The following MAST2 variants were observed in gnomAD, a reference collection of about 807,000 sequenced individuals.
MAST2 encodes microtubule associated serine/threonine kinase 2.
A neutral mutation model predicts 147.4 loss-of-function variants in MAST2; 70 were observed. That is an observed-to-expected ratio of 0.47 (90% CI 0.39 to 0.58). MAST2 has a LOEUF of 0.58. Ranked by LOEUF, MAST2 falls within the 20% of genes least tolerant of loss-of-function variation. MAST2 has a pLI of 0.00. For synonymous variants in MAST2, 869 were observed against 896.8 expected (o/e 0.97, Z 0.55); for missense variants, 2,080 against 2,302.3 (o/e 0.90, Z 1.98).
intron 4 of MAST2, among the ~76,000 whole-genome samples, chr1:45,931,664 G>GT (rs200292494): frequency 1.0e-3 from 156 of 150,358 alleles, no homozygotes; most frequent in East Asian, 6.8e-3. Flanking sequence ...TAATTTTTGT[G>GT]TTTTTTTTTA....
chr1:45,949,692 A>C (rs1658645050), intron 4 of MAST2, among the ~76,000 whole-genome samples: 1 of 152,234 alleles, frequency 6.6e-6, no homozygotes, highest in African/African-American at 2.4e-5. Context: ...CAGAAGTACC[A>C]TTTGACCCAG....
chr1:45,920,352 C>T (rs931279289), intron 4 of MAST2, among the ~76,000 whole-genome samples: 1 of 152,226 alleles, frequency 6.6e-6, no homozygotes, highest in Admixed American at 6.5e-5. Flanking sequence ...GTTCTCAACT[C>T]TGTCTTCTCA....
intron 10 of MAST2, among the ~76,000 whole-genome samples, chr1:46,012,732 T>C (rs933442202): frequency 2.6e-5 from 4 of 151,966 alleles, no homozygotes; most frequent in Admixed American, 1.3e-4. Context: ...CAGTGGCTCA[T>C]GCCTGTAATC....
At chr1:45,853,605 C>CG (rs1645693184) in intron 3 of MAST2, among the ~76,000 whole-genome samples, 2 of 151,612 alleles carry the variant, frequency 1.3e-5, no homozygotes, top group African/African-American at 4.8e-5. Flanking sequence ...CCACCCACCC[C>CG]GGCCTCCCAA....
intron 4 of MAST2, chr1:45,913,522 C>A: frequency 1.1e-6 from 1 of 923,660 alleles, no homozygotes; most frequent in Non-Finnish European, 1.3e-6. Context: ...GAACAAGGTG[C>A]TTTCTGTAGC....
At chr1:45,992,258 G>T (rs1448786999) in intron 5 of MAST2, among the ~76,000 whole-genome samples, 1 of 152,134 alleles carries the variant, frequency 6.6e-6, no homozygotes, top group East Asian at 1.9e-4. Context: ...TTTTAAATGG[G>T]TTTTAGATTT....
chr1:45,812,071 A>C (rs1223107598), intron 1 of MAST2, among the ~76,000 whole-genome samples: 1 of 152,168 alleles, frequency 6.6e-6, no homozygotes, highest in East Asian at 1.9e-4. Context: ...CGCGCGGCAC[A>C]GGAGCAGTAT....
chr1:45,966,422 TAAA>T (rs969914547), intron 5 of MAST2, among the ~76,000 whole-genome samples: 12 of 123,038 alleles, frequency 9.8e-5, no homozygotes, highest in Non-Finnish European at 1.0e-4. Context: ...TTTGATTTTG[TAAA>T]AAAAAAAAAA....
In MAST2 at chr1:45,982,349, C is replaced by T. The variant is rs2149065633; in HGVS notation, c.593-15375C>T. ...GTCTTGTTATACCAGTGAGGTGACT[C>T]GTAGTGGGCCCCTGGATAGTTTCAG... On this transcript the variant is annotated intron_variant, in intron 5 of 28. Coordinates refer to ENST00000361297, the MANE Select transcript of MAST2 (RefSeq NM_015112.3). 1.3e-5 allele frequency among the ~76,000 whole-genome samples: 2 copies of T among 152,250 alleles called. 1 individual carries two copies. Among genetic ancestry groups the T allele is most frequent in the South Asian group, 4.1e-4 (2 of 4,820 alleles).
chr1:45,956,894 A>G (rs112533254), intron 4 of MAST2, among the ~76,000 whole-genome samples: 1 of 152,218 alleles, frequency 6.6e-6, no homozygotes, highest in South Asian at 2.1e-4. Context: ...ATCTAGTGCT[A>G]TTGAAATAAA....
chr1:45,940,620 G>A (rs1171367183), intron 4 of MAST2, among the ~76,000 whole-genome samples: 1 of 137,174 alleles, frequency 7.3e-6, no homozygotes, highest in Admixed American at 7.1e-5. Flanking sequence ...GAAGGTTGAG[G>A]ATTTTTTTTT....
intron 4 of MAST2, among the ~76,000 whole-genome samples, chr1:45,958,351 GT>G (rs1218200948): frequency 6.6e-6 from 1 of 151,806 alleles, no homozygotes; most frequent in Admixed American, 6.6e-5. Context: ...TCCCAAATTT[GT>G]TCTTGTCTCA....
chr1:45,987,777 A>ATTTTTTTT, intron 5 of MAST2, among the ~76,000 whole-genome samples: 60 of 21,804 alleles, frequency 2.8e-3, no homozygotes, highest in African/African-American at 4.2e-3. Flanking sequence ...TTTTTTTTTG[A>ATTTTTTTT]TTTTTTTTTT....
rs78605595 is a variant in MAST2, at chr1:45,967,616, T to C, written c.592+8139T>C. Among the ~76,000 whole-genome samples the C allele has an allele frequency of 3.0e-3, 450 of 152,260 alleles. 3 individuals carry two copies. The highest frequency in any genetic ancestry group is 0.021 in the East Asian group (108 of 5,180). On this transcript the variant is annotated intron_variant, in intron 5 of 28. Coordinates refer to ENST00000361297, the MANE Select transcript of MAST2 (RefSeq NM_015112.3). ...AGGTCTTCGCCTCATCATCTTCACA[T>C]TGAGTAGGCTGAGGAAGATTAAGGA...
chr1:45,844,903 C>G (rs901148576), intron 3 of MAST2, among the ~76,000 whole-genome samples: 19 of 152,044 alleles, frequency 1.2e-4, no homozygotes, highest in African/African-American at 4.3e-4. Context: ...ATCAAGGTAC[C>G]AGCATCTGAT....
chr1:45,912,761 T>G (rs193275582), intron 4 of MAST2, among the ~76,000 whole-genome samples: 1 of 152,354 alleles, frequency 6.6e-6, no homozygotes, highest in Non-Finnish European at 1.5e-5. Context: ...TAGGTTCTTT[T>G]TCTCAGATGT....
At chr1:45,889,616 TG>T (rs1185946779) in intron 4 of MAST2, among the ~76,000 whole-genome samples, 1 of 152,140 alleles carries the variant, frequency 6.6e-6, no homozygotes, top group Non-Finnish European at 1.5e-5. Flanking sequence ...CGTTTTGTTT[TG>T]TTTTTTTGAG....
At chr1:45,831,343 G>T (rs1449348964) in intron 3 of MAST2, among the ~76,000 whole-genome samples, 7 of 152,142 alleles carry the variant, frequency 4.6e-5, no homozygotes, top group Non-Finnish European at 7.4e-5. Flanking sequence ...ATGTGGAGTA[G>T]AAAGTTTTGT....
At chr1:45,950,075 A>G (rs1658711724) in intron 4 of MAST2, among the ~76,000 whole-genome samples, 1 of 152,044 alleles carries the variant, frequency 6.6e-6, no homozygotes, top group Admixed American at 6.6e-5. Context: ...TTGGGGGTGG[A>G]GAGAGAGAGG....
Sources: allele counts gnomAD v4.1 joint callset (sites outside exome capture counted in the v4.1 genomes callset), GRCh38; gene constraint gnomAD v4.1.1; transcripts MANE v1.5; gene names NCBI Gene and HGNC (gene_info 2026-07-23, HGNC 2026-07-21).